C3orf20: variants seen among roughly 807,000 people sequenced by gnomAD.
The protein encoded by C3orf20 is family with sequence similarity 149 member C, also known as uncharacterized protein C3orf20.
C3orf20 carries 76 observed loss-of-function variants against 88.3 expected under a neutral mutation model. The ratio of observed to expected loss-of-function variants is 0.86; its 90% CI spans 0.72 to 1.04. The LOEUF is 1.04. Ranked by LOEUF, C3orf20 falls within the 50% of genes least tolerant of loss-of-function variation. The pLI, the probability that C3orf20 is intolerant of heterozygous loss-of-function variation, is 0.00. For missense variants in C3orf20, 1,056 were observed against 1,123.3 expected (o/e 0.94, Z 0.86); for synonymous variants, 436 against 437.4 (o/e 1.00, Z 0.04).
At chr3:14,684,067 A>G (rs1187780068) in intron 3 of C3orf20, among the ~76,000 whole-genome samples, 175 bp from the exon 4 acceptor site, 4 of 152,098 alleles carry the variant, frequency 2.6e-5, no homozygotes, top group Non-Finnish European at 5.9e-5. Context: ...GCAAAGCGAC[A>G]TCTGAAGGGT....
chr3:14,760,373 A>G (rs943127782), intron 14 of C3orf20, among the ~76,000 whole-genome samples: 1 of 152,224 alleles, frequency 6.6e-6, no homozygotes, highest in African/African-American at 2.4e-5. Flanking sequence ...AATTTAGAAA[A>G]TAATGACATC....
intron 4 of C3orf20, among the ~76,000 whole-genome samples, chr3:14,686,408 A>G (rs1248795389): frequency 6.6e-6 from 1 of 152,222 alleles, no homozygotes; most frequent in African/African-American, 2.4e-5. Context: ...GAGGAACTCC[A>G]TACTGTTTTC....
chr3:14,729,323 G>C (rs1055677055), intron 12 of C3orf20, among the ~76,000 whole-genome samples: 1 of 152,182 alleles, frequency 6.6e-6, no homozygotes, highest in South Asian at 2.1e-4. Context: ...GCCAGGAACA[G>C]ATGTGGGGAA....
chr3:14,761,585 G>T lies in C3orf20; in HGVS notation c.2465G>T (p.Gly822Val). ...CGGTCTCAACAGGATTACAAGATGGGCTACTTCCTGCCGGATGACTACAAA... is the reference window on the plus strand; with the variant it reads ...CGGTCTCAACAGGATTACAAGATGGTCTACTTCCTGCCGGATGACTACAAA... The part of the protein sequence containing the change: ...IFRSQQDYKM[G>V]YFLPDDYKFS... The change falls in exon 15 of 17, where the codon GGC becomes GTC. Residue 822 changes from glycine (G) to valine (V), a missense_variant. Transcript: ENST00000253697. 6.2e-7 allele frequency: 1 copy of T among 1,614,120 alleles called. No homozygotes were observed. The highest frequency in any genetic ancestry group is 8.5e-7 in the Non-Finnish European group (1 of 1,180,028).
At chr3:14,732,221 A>G (rs1320755903) in intron 12 of C3orf20, among the ~76,000 whole-genome samples, 1 of 152,178 alleles carries the variant, frequency 6.6e-6, no homozygotes, top group Non-Finnish European at 1.5e-5. Context: ...TATCGTTTTA[A>G]TTTGCATTTC....
At chr3:14,695,913 GT>G (rs997719745) in intron 5 of C3orf20, among the ~76,000 whole-genome samples, 2 of 151,818 alleles carry the variant, frequency 1.3e-5, no homozygotes, top group Non-Finnish European at 1.5e-5. Context: ...ATGGGGTCTT[GT>G]TTTTTTATCC....
chr3:14,765,879 G>A (rs2035687157), intron 15 of C3orf20, among the ~76,000 whole-genome samples: 1 of 152,244 alleles, frequency 6.6e-6, no homozygotes, highest in Admixed American at 6.5e-5. Context: ...CGGACCATAG[G>A]TGCTGGGGAA....
At chr3:14,703,454 C>T (rs1489152627) in intron 6 of C3orf20, among the ~76,000 whole-genome samples, 192 bp downstream of exon 6, 5 of 152,226 alleles carry the variant, frequency 3.3e-5, no homozygotes, top group East Asian at 1.9e-4. Context: ...CACACACACC[C>T]GTGTCCTTCC....
At chr3:14,736,840 T>A (rs1448194525) in intron 12 of C3orf20, among the ~76,000 whole-genome samples, 2 of 152,228 alleles carry the variant, frequency 1.3e-5, no homozygotes, top group Non-Finnish European at 2.9e-5. Flanking sequence ...GTGCTGAGAT[T>A]ACAGGTGTGA....
chr3:14,742,358 T>G (rs1334275950), intron 12 of C3orf20, among the ~76,000 whole-genome samples: 1 of 152,166 alleles, frequency 6.6e-6, no homozygotes, highest in Non-Finnish European at 1.5e-5. Flanking sequence ...TGAGAATAAA[T>G]GTATAAATTG....
Position 14,687,907 on chromosome 3 carries a change from C to T in C3orf20, c.626-2090C>T, listed in dbSNP as rs551032356. ...CATCTTGCTGTCCTGCTGCACCAGCCGATTGCTGAGAGCGCCCCTCTCCAT... is the reference window on the plus strand; with the variant it reads ...CATCTTGCTGTCCTGCTGCACCAGCTGATTGCTGAGAGCGCCCCTCTCCAT... On this transcript the variant is annotated intron_variant, in intron 4 of 16. Coordinates refer to ENST00000253697, the MANE Select transcript of C3orf20 (RefSeq NM_032137.5). Among the ~76,000 whole-genome samples, 52 of 152,258 alleles carry T rather than the reference C, an allele frequency of 3.4e-4. 1 individual carries two copies. The highest frequency in any genetic ancestry group is 1.0e-3 in the African/African-American group (43 of 41,546).
intron 12 of C3orf20, among the ~76,000 whole-genome samples, chr3:14,737,897 A>C (rs527561719): frequency 1.3e-5 from 2 of 152,182 alleles, no homozygotes; most frequent in South Asian, 4.1e-4. Context: ...CCAGGAGTAG[A>C]TTCTATCTCA....
Position 14,738,815 on chromosome 3 carries a change from G to GTTTT in C3orf20, c.1940+10144_1940+10147dup, listed in dbSNP as rs71038433. ...ACCACCATGCCTGGCTAATTTTTTT[G>GTTTT]TTTTTTTTTTTTTTTTTTTTAGTAG... On this transcript the variant is annotated intron_variant, in intron 12 of 16. Coordinates refer to ENST00000253697, the MANE Select transcript of C3orf20 (RefSeq NM_032137.5). 8.9e-3 allele frequency among the ~76,000 whole-genome samples: 866 copies of GTTTT among 97,682 alleles called. 36 individuals carry two copies. Among genetic ancestry groups the GTTTT allele is most frequent in the African/African-American group, 0.022 (622 of 27,860 alleles). The allele number at this position is 97,682 out of a possible 152,430, so 64.1% of individuals were successfully genotyped here.
At chr3:14,703,061 G>T in intron 5 of C3orf20, 69 bp from the exon 6 acceptor site, 1 of 1,569,692 alleles carries the variant, frequency 6.4e-7, no homozygotes. Flanking sequence ...ACATCCAGGT[G>T]ACACTGATGC....
chr3:14,743,687 A>C (rs934423103), intron 12 of C3orf20, among the ~76,000 whole-genome samples: 6 of 151,988 alleles, frequency 3.9e-5, no homozygotes, highest in African/African-American at 1.5e-4. Flanking sequence ...GTTTCCATAC[A>C]TCTGAAATCT....
chr3:14,769,009 T>A (rs1400795680), intron 15 of C3orf20, among the ~76,000 whole-genome samples: 1 of 152,056 alleles, frequency 6.6e-6, no homozygotes, highest in Non-Finnish European at 1.5e-5. Context: ...GCTGGCCTAG[T>A]CGTTCACGAT....
At chr3:14,766,392 C>T (rs570203379) in intron 15 of C3orf20, among the ~76,000 whole-genome samples, 3 of 152,304 alleles carry the variant, frequency 2.0e-5, no homozygotes, top group African/African-American at 7.2e-5. Flanking sequence ...AGCTCTGACA[C>T]CTGGTAGGGC....
intron 12 of C3orf20, among the ~76,000 whole-genome samples, chr3:14,751,048 C>T (rs778050669): frequency 3.3e-5 from 5 of 152,166 alleles, no homozygotes; most frequent in Middle Eastern, 3.2e-3. Context: ...TTCAAGTTTG[C>T]TGACCCTTTC....
intron 7 of C3orf20, among the ~76,000 whole-genome samples, chr3:14,705,902 C>T (rs983571309): frequency 6.6e-6 from 1 of 152,300 alleles, no homozygotes; most frequent in Non-Finnish European, 1.5e-5. Flanking sequence ...TGGTTCATGG[C>T]CTCCTTACCT....
Sources: gnomAD v4.1 joint callset for allele counts (sites outside exome capture counted in the v4.1 genomes callset) on GRCh38, gnomAD v4.1.1 for gene constraint, MANE v1.5 for transcripts, NCBI Gene and HGNC (gene_info 2026-07-23, HGNC 2026-07-21) for gene names.